Variants in SMC2 observed in about 807,000 individuals in gnomAD.
The protein encoded by SMC2 is structural maintenance of chromosomes 2, also known as structural maintenance of chromosomes protein 2.
Under a neutral mutation model 142.6 loss-of-function variants are expected in SMC2, and 41 were observed. The ratio of observed to expected loss-of-function variants is 0.29; its 90% CI spans 0.22 to 0.37. The LOEUF (loss-of-function observed/expected upper bound fraction) is 0.37, where lower values mean the gene tolerates loss of function less well. SMC2 is among the 10% of genes least tolerant of loss of function. The pLI, the probability that SMC2 is intolerant of heterozygous loss-of-function variation, is 1.00. For synonymous variants in SMC2, 463 were observed against 457.5 expected (o/e 1.01, Z -0.15); for missense variants, 1,265 against 1,373.7 (o/e 0.92, Z 1.25).
chr9:104,118,340 G>A lies in SMC2; in HGVS notation c.1961G>A (p.Gly654Asp). Residue 654 changes from glycine (G) to aspartate (D), a missense_variant, in exon 15 of 25, where the codon GGT becomes GAT. Physicochemically the swap from Gly to Asp is moderately conservative, Grantham distance 94. Coordinates refer to ENST00000374793, the MANE Select transcript of SMC2 (RefSeq NM_006444.3). ...ATGACTAGAACTGTAACTCTCGGAG[G>A]TGATGTGTTTGATCCTCATGGGACA... The part of the protein sequence containing the change: ...RIMTRTVTLG[G>D]DVFDPHGTLS... 1 of 1,613,628 alleles carries A rather than the reference G, an allele frequency of 6.2e-7. No individual in the cohort carries two copies.
chr9:104,110,943 A>T lies in SMC2; in HGVS notation c.1021-638A>T, dbSNP rs1186165244. ...AACAGCGACTTAGTCTGTGTCTTTAATGTCTTAGAATAGGGCCTACTATAT... is the reference window on the plus strand; with the variant it reads ...AACAGCGACTTAGTCTGTGTCTTTATTGTCTTAGAATAGGGCCTACTATAT... On this transcript the variant is annotated intron_variant, in intron 9 of 24. Transcript: ENST00000374793. 3.3e-5 allele frequency among the ~76,000 whole-genome samples: 5 copies of T among 152,182 alleles called. No individual in the cohort carries two copies. The East Asian group carries it at 7.7e-4, about 23-fold the overall frequency.
chr9:104,136,792 C>G (rs954351439), intron 23 of SMC2, among the ~76,000 whole-genome samples: 1 of 133,044 alleles, frequency 7.5e-6, no homozygotes, highest in African/African-American at 3.1e-5. Context: ...TTTTTCTCTA[C>G]TTGTGCACAC....
rs114943968 is a variant in SMC2, at chr9:104,124,800, A to G, written c.2258-112A>G. 8.0e-3 allele frequency: 5,947 copies of G among 740,014 alleles called. 275 individuals carry two copies. In the African/African-American group the frequency reaches 0.098, roughly 12 times the overall value. 45.8% of individuals were successfully genotyped at this position (740,014 alleles called of 1,614,324 possible). ...TTCTAGAATATCATTGGGATAGTTAATTTTCTTAAATTGTACCCTGTAATT... is the reference window on the plus strand; with the variant it reads ...TTCTAGAATATCATTGGGATAGTTAGTTTTCTTAAATTGTACCCTGTAATT... On this transcript the variant is annotated intron_variant, in intron 17 of 24. Coordinates refer to ENST00000374793, the MANE Select transcript of SMC2 (RefSeq NM_006444.3).
chr9:104,093,675 C>A (rs1426333972), upstream of SMC2, among the ~76,000 whole-genome samples: 1 of 152,170 alleles, frequency 6.6e-6, no homozygotes, highest in Non-Finnish European at 1.5e-5. Context: ...AATTTCTCCT[C>A]TGGGCTCGGA....
intron 23 of SMC2, among the ~76,000 whole-genome samples, chr9:104,137,544 G>A (rs571074323): frequency 2.0e-5 from 3 of 151,996 alleles, no homozygotes; most frequent in Admixed American, 6.5e-5. Flanking sequence ...GATTGTGTGT[G>A]TGTCTGTCTG....
At chr9:104,125,964 GA>G (rs1325491270) in intron 18 of SMC2, among the ~76,000 whole-genome samples, 1 of 152,066 alleles carries the variant, frequency 6.6e-6, no homozygotes, top group Non-Finnish European at 1.5e-5. Flanking sequence ...CCAGGCCACA[GA>G]CCAGTAACAG....
chr9:104,116,641 C>A (rs951002148), intron 14 of SMC2, among the ~76,000 whole-genome samples: 2 of 152,234 alleles, frequency 1.3e-5, no homozygotes, highest in East Asian at 3.9e-4. Flanking sequence ...CCAAATTCTT[C>A]AAGTTTTTGT....
chr9:104,134,032 T>C (rs1835263763), intron 22 of SMC2, among the ~76,000 whole-genome samples: 1 of 152,172 alleles, frequency 6.6e-6, no homozygotes, highest in Admixed American at 6.6e-5. Flanking sequence ...TACAATTGTG[T>C]GTATCTTGAG....
intron 16 of SMC2, among the ~76,000 whole-genome samples, chr9:104,121,214 C>T (rs879741684): frequency 2.0e-5 from 3 of 152,224 alleles, no homozygotes; most frequent in Non-Finnish European, 2.9e-5. Flanking sequence ...AAAGTTTGGC[C>T]AGGCCTAGTG....
chr9:104,126,314 T>TTTTG (rs925737840), intron 18 of SMC2, among the ~76,000 whole-genome samples: 23 of 152,194 alleles, frequency 1.5e-4, no homozygotes, highest in Non-Finnish European at 1.8e-4. Context: ...CATTGAACAA[T>TTTTG]TTTGTTTTTA....
intron 7 of SMC2, among the ~76,000 whole-genome samples, chr9:104,101,569 G>A (rs1057228145): frequency 7.9e-5 from 12 of 152,148 alleles, no homozygotes; most frequent in Admixed American, 7.9e-4. Context: ...TGGGAGTCGT[G>A]TTTAGTAATG....
At chr9:104,126,840 A>G in intron 19 of SMC2, 56 bp downstream of exon 19, 1 of 1,494,696 alleles carries the variant, frequency 6.7e-7, no homozygotes, top group Non-Finnish European at 9.1e-7. Flanking sequence ...TTTATGAAAC[A>G]TTAGCTTAAG....
chr9:104,112,520 A>G (rs1296000051), intron 10 of SMC2, among the ~76,000 whole-genome samples: 1 of 151,182 alleles, frequency 6.6e-6, no homozygotes, highest in African/African-American at 2.5e-5. Context: ...TTATGCGTTA[A>G]TCCTCAGGTT....
intron 17 of SMC2, among the ~76,000 whole-genome samples, chr9:104,124,482 G>C (rs1168986943): frequency 6.6e-6 from 1 of 152,038 alleles, no homozygotes; most frequent in African/African-American, 2.4e-5. Flanking sequence ...GAAGTTCCCT[G>C]AATATGTATA....
rs1251683890 is a variant in SMC2, at chr9:104,129,736, A to G, written c.2882A>G (p.Asn961Ser). The G allele has an allele frequency of 3.1e-6, 5 of 1,613,830 alleles. No homozygotes were observed. Among genetic ancestry groups the G allele is most frequent in the African/African-American group, 2.7e-5 (2 of 74,908 alleles). ...PNSAYDFKTN[N>S]PKEAGQRLQK... ...AGTGCCTATGATTTCAAAACTAACA[A>G]CCCTAAAGAAGCTGGTCAGAGACTT... The change falls in exon 21 of 25, where the codon AAC becomes AGC. Residue 961 changes from asparagine to serine, a missense_variant. Asn to Ser is a conservative substitution (Grantham distance 46). Coordinates refer to ENST00000374793, the MANE Select transcript of SMC2 (RefSeq NM_006444.3).
chr9:104,129,088 G>A (rs187121274), intron 20 of SMC2, among the ~76,000 whole-genome samples: 15 of 152,284 alleles, frequency 9.9e-5, no homozygotes, highest in African/African-American at 3.4e-4. Flanking sequence ...TTCTCTGTGA[G>A]TTGGCTCTTC....
rs900209990 is a variant in SMC2 at position 104,118,107 on chromosome 9, T to C, written c.1792-64T>C. On this transcript the variant is annotated intron_variant, in intron 14 of 24. Transcript: ENST00000374793. Reference sequence around the variant, plus strand: ...TATTACAGCAGTTTTTACTGGTTTATAAAATCATATCTGAAAGGAAAAGTA... The same window carrying C: ...TATTACAGCAGTTTTTACTGGTTTACAAAATCATATCTGAAAGGAAAAGTA... The C allele has an allele frequency of 2.3e-6, 3 of 1,317,064 alleles. No homozygotes were observed. The African/African-American group carries it at 4.4e-5, about 19-fold the overall frequency. The allele number at this position is 1,317,064 out of a possible 1,614,324, so 81.6% of individuals were successfully genotyped here.
chr9:104,127,155 G>GTAAC lies in SMC2; in HGVS notation c.2596-130_2596-129insAACT, dbSNP rs1564108766. ...TTAATGGTGATATAAAATATAGAGG[G>GTAAC]TTAGGTGATCATCTCTCTGCCTGTA... On this transcript the variant is annotated intron_variant, in intron 19 of 24. Transcript: ENST00000374793. 10 of 654,102 alleles carry GTAAC rather than the reference G, an allele frequency of 1.5e-5. No homozygotes were observed. In the Admixed American group the frequency reaches 2.2e-4, roughly 14 times the overall value. 40.5% of individuals were successfully genotyped at this position (654,102 alleles called of 1,614,324 possible). A position where few individuals can be genotyped will look rare whatever the true frequency, so the allele number is the denominator to read the frequency against.
chr9:104,089,357 T>G (rs534063204), upstream of SMC2, among the ~76,000 whole-genome samples: 10 of 152,096 alleles, frequency 6.6e-5, no homozygotes, highest in Admixed American at 6.6e-4. Flanking sequence ...AAGAATTGAG[T>G]TTGGTAATAA....
Sources: allele counts gnomAD v4.1 joint callset (sites outside exome capture counted in the v4.1 genomes callset), GRCh38; gene constraint gnomAD v4.1.1; transcripts MANE v1.5; gene names NCBI Gene and HGNC (gene_info 2026-07-23, HGNC 2026-07-21).